SCN9A: variants seen among roughly 807,000 people sequenced by gnomAD.
SCN9A encodes the protein sodium voltage-gated channel alpha subunit 9.
SCN9A carries 131 observed loss-of-function variants against 187.0 expected under a neutral mutation model. That is an observed-to-expected ratio of 0.70 (90% CI 0.61 to 0.81). The LOEUF (loss-of-function observed/expected upper bound fraction) is 0.81, where lower values mean the gene tolerates loss of function less well. SCN9A is among the 30% of genes least tolerant of loss of function. The pLI, the probability that SCN9A is intolerant of heterozygous loss-of-function variation, is 0.00. For missense variants in SCN9A, 2,252 were observed against 2,396.6 expected (o/e 0.94, Z 1.26); for synonymous variants, 809 against 808.6 (o/e 1.00, Z -0.01).
chr2:166,283,145 TCTC>T (rs925525045), intron 12 of SCN9A, among the ~76,000 whole-genome samples: 4 of 152,116 alleles, frequency 2.6e-5, no homozygotes, highest in African/African-American at 9.7e-5. Context: ...TATGAAATAA[TCTC>T]CTAATCTGAT....
At chr2:166,302,750 A>G (rs953721872) in intron 7 of SCN9A, 3 of 149,154 alleles carry the variant, frequency 2.0e-5, no homozygotes, top group South Asian at 2.1e-4. Flanking sequence ...TAATAAAATT[A>G]TATAAAATAT....
At chr2:166,263,517 A>G (rs1696602201) in intron 17 of SCN9A, among the ~76,000 whole-genome samples, 2 of 151,980 alleles carry the variant, frequency 1.3e-5, no homozygotes, top group African/African-American at 4.8e-5. Flanking sequence ...GATGCCACCA[A>G]ATTAAACTCT....
At chr2:166,323,620 A>G (rs1699296030) in intron 1 of SCN9A, among the ~76,000 whole-genome samples, 2 of 152,098 alleles carry the variant, frequency 1.3e-5, no homozygotes, top group African/African-American at 2.4e-5. Flanking sequence ...AGTGGCCTCT[A>G]TTACCTTCTT....
At position 166,280,607 on chromosome 2, in the gene SCN9A, AAG is replaced by A; in HGVS notation, c.2105-14_2105-13del. The stretch of plus-strand genomic sequence containing the variant: ...GGACTCTTCAAGTTCTGGGAGAAAA[AAG>A]CAGAGAACATGGAGTCAGCCATTTG... On this transcript the variant is annotated splice_polypyrimidine_tract_variant and intron_variant, in intron 13 of 26. Transcript: ENST00000642356. The A allele has an allele frequency of 2.0e-6, 3 of 1,504,266 alleles. No individual in the cohort carries two copies. The highest frequency in any genetic ancestry group is 2.7e-6 in the Non-Finnish European group (3 of 1,102,138). 93.2% of individuals were successfully genotyped at this position (1,504,266 alleles called of 1,614,324 possible). A position where few individuals can be genotyped will look rare whatever the true frequency, so the allele number is the denominator to read the frequency against.
rs199778163 is a variant in SCN9A, at chr2:166,204,354, T to C, written c.4503+6A>G. On this transcript the variant is annotated splice_donor_region_variant and intron_variant, in intron 25 of 26. Transcript: ENST00000642356. ...CTATATGCTAAAGATATATATATTT[T>C]TTTACCCCTGGTCGAGGAATTGGCT... 2 of 1,599,228 alleles carry C rather than the reference T, an allele frequency of 1.3e-6. No individual in the cohort carries two copies. The highest frequency in any genetic ancestry group is 8.6e-7 in the Non-Finnish European group (1 of 1,169,314).
intron 19 of SCN9A, 58 bp downstream of exon 19, chr2:166,242,444 C>T: frequency 7.5e-7 from 1 of 1,340,554 alleles, no homozygotes; most frequent in Middle Eastern, 1.9e-4. Flanking sequence ...TATCTTTTAG[C>T]TCATTTTAAA....
chr2:166,236,880 CT>C (rs1284541950), intron 20 of SCN9A, among the ~76,000 whole-genome samples: 1 of 152,104 alleles, frequency 6.6e-6, no homozygotes, highest in African/African-American at 2.4e-5. Context: ...ATGAATTCAA[CT>C]TTTCTTAAAA....
chr2:166,269,328 T>C (rs1276321566), intron 17 of SCN9A, among the ~76,000 whole-genome samples: 1 of 152,028 alleles, frequency 6.6e-6, no homozygotes, highest in African/African-American at 2.4e-5. Flanking sequence ...TAGCTAACCA[T>C]TATGACAACA....
chr2:166,227,271 T>G (rs1694879756), intron 23 of SCN9A, among the ~76,000 whole-genome samples: 1 of 152,226 alleles, frequency 6.6e-6, no homozygotes, highest in South Asian at 2.1e-4. Context: ...GCATATTTAC[T>G]GAGCATTTAG....
At chr2:166,213,729 T>G (rs1331157067) in intron 24 of SCN9A, among the ~76,000 whole-genome samples, 2 of 152,102 alleles carry the variant, frequency 1.3e-5, no homozygotes, top group Non-Finnish European at 2.9e-5. Context: ...GGAAGTGACT[T>G]CAGCAACATT....
At chr2:166,212,218 C>A (rs1694128021) in intron 24 of SCN9A, among the ~76,000 whole-genome samples, 1 of 152,118 alleles carries the variant, frequency 6.6e-6, no homozygotes, top group African/African-American at 2.4e-5. Flanking sequence ...TCTTGCAGGA[C>A]CTGTGGATAA....
intron 1 of SCN9A, among the ~76,000 whole-genome samples, chr2:166,354,978 C>A (rs1204523295): frequency 6.6e-6 from 1 of 151,976 alleles, no homozygotes; most frequent in Non-Finnish European, 1.5e-5. Flanking sequence ...ATGTCTCCTA[C>A]TGTTACCCAG....
chr2:166,362,565 T>C (rs1181424967), intron 1 of SCN9A, among the ~76,000 whole-genome samples: 1 of 151,930 alleles, frequency 6.6e-6, no homozygotes, highest in Non-Finnish European at 1.5e-5. Context: ...ATATTCCAAA[T>C]TAGATAACAA....
intron 20 of SCN9A, among the ~76,000 whole-genome samples, chr2:166,237,235 T>C (rs1377350971): frequency 6.6e-6 from 1 of 151,606 alleles, no homozygotes; most frequent in Non-Finnish European, 1.5e-5. Context: ...AATGAAATGA[T>C]AATAATGGGT....
chr2:166,368,403 G>T (rs1165789527), intron 1 of SCN9A, among the ~76,000 whole-genome samples: 3 of 152,142 alleles, frequency 2.0e-5, no homozygotes, highest in Admixed American at 1.3e-4. Flanking sequence ...GAAGGCCGAG[G>T]TGGGCAGATC....
intron 12 of SCN9A, among the ~76,000 whole-genome samples, chr2:166,283,991 T>C (rs1697613404): frequency 6.6e-6 from 1 of 152,172 alleles, no homozygotes; most frequent in Non-Finnish European, 1.5e-5. Flanking sequence ...ATACTAAATA[T>C]GTGTTTGCTG....
At chr2:166,276,054 G>A (rs1235767290) in intron 16 of SCN9A, among the ~76,000 whole-genome samples, 5 of 152,040 alleles carry the variant, frequency 3.3e-5, no homozygotes, top group South Asian at 2.1e-4. Context: ...ACAAGTCAAC[G>A]TGGCAGATTT....
chr2:166,361,853 T>C (rs1700293763), intron 1 of SCN9A, among the ~76,000 whole-genome samples: 1 of 152,098 alleles, frequency 6.6e-6, no homozygotes, highest in South Asian at 2.1e-4. Flanking sequence ...GATTTTTCAT[T>C]AGCAGCGGAT....
In SCN9A at chr2:166,297,852, C is replaced by T. The variant is rs369589066; in HGVS notation, c.902-3190G>A. ...TGGGGGTAAATAAATGCCAACTTAT[C>T]ACTAAAATACGTATGGGGAAAATGA... On this transcript the variant is annotated intron_variant, in intron 7 of 26. Coordinates refer to ENST00000642356, the MANE Select transcript of SCN9A (RefSeq NM_001365536.1). Among the ~76,000 whole-genome samples the T allele has an allele frequency of 4.6e-5, 7 of 151,714 alleles. No individual in the cohort carries two copies. In the South Asian group the frequency reaches 8.4e-4, roughly 18 times the overall value.
Sources: gnomAD v4.1 joint callset for allele counts (sites outside exome capture counted in the v4.1 genomes callset) on GRCh38, gnomAD v4.1.1 for gene constraint, MANE v1.5 for transcripts, NCBI Gene and HGNC (gene_info 2026-07-23, HGNC 2026-07-21) for gene names.